Variants in PTCH1 observed in about 807,000 individuals in gnomAD.
PTCH1 encodes protein patched homolog 1.
Under a neutral mutation model 144.6 loss-of-function variants are expected in PTCH1, and 14 were observed. That is an observed-to-expected ratio of 0.10 (90% CI 0.06 to 0.15). The LOEUF (loss-of-function observed/expected upper bound fraction) is 0.15, where lower values mean the gene tolerates loss of function less well. PTCH1 is among the 10% of genes least tolerant of loss of function. PTCH1 has a pLI of 1.00. For missense variants in PTCH1, 1,623 were observed against 1,948.3 expected (o/e 0.83, Z 3.14); for synonymous variants, 833 against 793.6 (o/e 1.05, Z -0.83).
intron 2 of PTCH1, among the ~76,000 whole-genome samples, chr9:95,487,537 G>A (rs1488380478): frequency 1.3e-5 from 2 of 152,274 alleles, no homozygotes; most frequent in Middle Eastern, 3.4e-3. Flanking sequence ...TTAACACCAC[G>A]CAGACTTCCA....
chr9:95,502,406 C>A (rs1053734105), intron 2 of PTCH1, among the ~76,000 whole-genome samples: 18 of 152,206 alleles, frequency 1.2e-4, no homozygotes, highest in African/African-American at 4.3e-4. Flanking sequence ...AGAGTAGGTA[C>A]TGAGAACATG....
At chr9:95,482,361 C>T (rs903806145) in intron 3 of PTCH1, 158 bp from the exon 4 acceptor site, 2 of 696,622 alleles carry the variant, frequency 2.9e-6, no homozygotes, top group Non-Finnish European at 4.9e-6. Flanking sequence ...ACCCAGCAAG[C>T]TTGCTTTAAT....
At chr9:95,497,254 A>G (rs1180236824) in intron 2 of PTCH1, among the ~76,000 whole-genome samples, 1 of 152,174 alleles carries the variant, frequency 6.6e-6, no homozygotes, top group Non-Finnish European at 1.5e-5. Flanking sequence ...AGGATAGGTA[A>G]TATTTGGGTA....
chr9:95,507,920 GCA>G (rs763385604), intron 1 of PTCH1: 133 of 954,876 alleles, frequency 1.4e-4, no homozygotes, highest in East Asian at 4.6e-4. Flanking sequence ...ACACACACAC[GCA>G]CACACACACA....
At chr9:95,467,547 G>A in intron 14 of PTCH1, 122 bp from the exon 15 acceptor site, 1 of 957,096 alleles carries the variant, frequency 1.0e-6, no homozygotes, top group Non-Finnish European at 1.6e-6. Context: ...TTATCTTGTA[G>A]GGGTTGTTCT....
Position 95,447,343 on chromosome 9 carries a change from C to A in PTCH1, c.3913G>T (p.Asp1305Tyr), listed in dbSNP as rs368528885. 60 of 1,613,468 alleles carry A rather than the reference C, an allele frequency of 3.7e-5. No individual in the cohort carries two copies. The East Asian group carries it at 4.9e-4, about 13-fold the overall frequency. Reference protein sequence around the residue: ...PGRQGQQPRRDPPREGLWPPP... With the variant: ...PGRQGQQPRRYPPREGLWPPP... The stretch of plus-strand genomic sequence containing the variant: ...GGCCACAAGCCTTCTCTGGGGGGGT[C>A]CCTGCGGGGCTGCTGGCCTTGCCGT... Residue 1305 changes from aspartate (D) to tyrosine (Y), a missense_variant, in exon 23 of 24, where the codon GAC (aspartate) becomes TAC (tyrosine). Transcript: ENST00000331920.
At chr9:95,510,848 G>A (rs1380264228), upstream of PTCH1, among the ~76,000 whole-genome samples, 2 of 151,270 alleles carry the variant, frequency 1.3e-5, no homozygotes, top group African/African-American at 2.4e-5. Flanking sequence ...CAGGAGGCCC[G>A]GTGCGCGCGC....
At chr9:95,472,272 C>G (rs958824443) in intron 12 of PTCH1, among the ~76,000 whole-genome samples, 1 of 152,128 alleles carries the variant, frequency 6.6e-6, no homozygotes, top group East Asian at 1.9e-4. Flanking sequence ...TGATAAAGTC[C>G]CCGAAGTGCG....
rs1188317776 is a variant in PTCH1, at chr9:95,456,333, C to G, written c.3249G>C (p.Val1083=). The change falls in exon 19 of 24, where the codon GTG becomes GTC. Residue 1083 remains valine (V), a synonymous_variant. Coordinates refer to ENST00000331920, the MANE Select transcript of PTCH1 (RefSeq NM_000264.5). ...TGCCAACAGAAGCGATCAGGATGAC[C>G]ACGGGCACGGCACTGAGCTTGATTC... The part of the protein sequence containing the change: ...LIGIKLSAVP[V]VILIASVGIG... 1 of 1,614,082 alleles carries G rather than the reference C, an allele frequency of 6.2e-7. No homozygotes were observed. Among genetic ancestry groups the G allele is most frequent in the Admixed American group, 1.7e-5 (1 of 60,038 alleles).
rs1338078012 is a variant in PTCH1 at position 95,508,292 on chromosome 9, G to A, written c.70C>T (p.Pro24Ser). 54 of 1,528,772 alleles carry A rather than the reference G, an allele frequency of 3.5e-5. No individual in the cohort carries two copies. Among genetic ancestry groups the A allele is most frequent in the South Asian group, 4.9e-5 (4 of 81,780 alleles). 94.7% of individuals were successfully genotyped at this position (1,528,772 alleles called of 1,614,324 possible). A position where few individuals can be genotyped will look rare whatever the true frequency, so the allele number is the denominator to read the frequency against. The change falls in exon 1 of 24, where the codon CCG becomes TCG. Residue 24 changes from proline (P) to serine (S), a missense_variant. Pro to Ser is a moderately conservative substitution (Grantham distance 74). This residue lies in a region of PTCH1 where 245 missense variants were observed against 240.6 expected (regional missense o/e 1.02). Transcript: ENST00000331920. ...GGGGSGCIGA[P>S]GRPAGGGRRR... ...CTCCCGCCTCCAGCCGGCCGTCCCG[G>A]GGCACCGATACAGCCGCTGCCGCCG...
At chr9:95,491,379 A>G (rs1842397210) in intron 2 of PTCH1, among the ~76,000 whole-genome samples, 1 of 152,176 alleles carries the variant, frequency 6.6e-6, no homozygotes, top group Non-Finnish European at 1.5e-5. Flanking sequence ...CTGGTTGCTG[A>G]GGATAACAGG....
At chr9:95,500,116 G>A (rs138428182) in intron 2 of PTCH1, among the ~76,000 whole-genome samples, 150 of 152,292 alleles carry the variant, frequency 9.8e-4, no homozygotes, top group African/African-American at 3.5e-3. Flanking sequence ...ATCAGCTGTG[G>A]TGCATAATCT....
exon 1 of PTCH1, chr9:95,516,881 A>G (rs1844392220): frequency 2.1e-6 from 3 of 1,435,510 alleles, no homozygotes; most frequent in Non-Finnish European, 2.9e-6. Context: ...CACGTGACGG[A>G]TCCGAAAACT....
At chr9:95,460,683 A>C (rs973565812) in intron 16 of PTCH1, among the ~76,000 whole-genome samples, 20 of 152,194 alleles carry the variant, frequency 1.3e-4, no homozygotes, top group Non-Finnish European at 2.8e-4. Flanking sequence ...GCATGTCCTC[A>C]ACACATCCCT....
chr9:95,513,718 G>C (rs1056462668), upstream of PTCH1, among the ~76,000 whole-genome samples: 1 of 152,124 alleles, frequency 6.6e-6, no homozygotes, highest in Non-Finnish European at 1.5e-5. Flanking sequence ...CAGGGAAGTC[G>C]GGGACGGGGT....
upstream of PTCH1, among the ~76,000 whole-genome samples, chr9:95,509,592 T>TGCGCGCACACACGC (rs985799721): frequency 6.6e-6 from 1 of 152,258 alleles, no homozygotes; most frequent in Non-Finnish European, 1.5e-5. Context: ...GGGATGCCTT[T>TGCGCGCACACACGC]GCGCGCACAC....
rs2118330116 is a variant in PTCH1 at position 95,478,073 on chromosome 9, G to T, written c.1329C>A (p.Ala443=). 6.2e-7 allele frequency: 1 copy of T among 1,614,166 alleles called. No homozygotes were observed. Among genetic ancestry groups the T allele is most frequent in the South Asian group, 1.1e-5 (1 of 91,074 alleles). ...SFSDVSVIRV[A]SGYLLMLAYA... ...GCGTTACCATGAGTAAGTAGCCGCT[G>T]GCCACGCGGATGACACTGACGTCAG... is the stretch of plus-strand genomic sequence containing the variant. The change falls in exon 9 of 24, where the codon GCC becomes GCA. Residue 443 remains alanine (A), a synonymous_variant. Coordinates refer to ENST00000331920, the MANE Select transcript of PTCH1 (RefSeq NM_000264.5).
exon 1 of PTCH1, chr9:95,516,769 G>T (rs1844387154): frequency 7.4e-6 from 12 of 1,613,272 alleles, no homozygotes; most frequent in Admixed American, 1.7e-5. Flanking sequence ...GCTTTCGGCG[G>T]AGTGCAGCGC....
intron 3 of PTCH1, chr9:95,483,868 T>C (rs2118508336): frequency 6.6e-6 from 1 of 152,274 alleles, no homozygotes; most frequent in African/African-American, 2.4e-5. Flanking sequence ...CAACTCTCAT[T>C]TACACTTGAG....
Sources: allele counts gnomAD v4.1 joint callset (sites outside exome capture counted in the v4.1 genomes callset), GRCh38; gene constraint gnomAD v4.1.1; regional missense constraint gnomAD v4.1.1; transcripts MANE v1.5; gene names NCBI Gene and HGNC (gene_info 2026-07-23, HGNC 2026-07-21).